Variants in TNRC6B observed in about 807,000 individuals in gnomAD.
TNRC6B encodes the protein trinucleotide repeat-containing gene 6B protein.
Under a neutral mutation model 203.6 loss-of-function variants are expected in TNRC6B, and 52 were observed. That is an observed-to-expected ratio of 0.26 (90% CI 0.20 to 0.32). TNRC6B has a LOEUF of 0.32. Ranked by LOEUF, TNRC6B falls within the 10% of genes least tolerant of loss-of-function variation. TNRC6B has a pLI of 1.00. For synonymous variants in TNRC6B, 838 were observed against 845.7 expected, an observed-to-expected ratio of 0.99 and a Z score of 0.16; for missense variants, 1,923 against 2,286.2, an observed-to-expected ratio of 0.84 and a Z score of 3.24.
rs2044005231 is a variant in TNRC6B at position 40,333,676 on chromosome 22, G to A, written c.*10435G>A. 1.3e-5 allele frequency: 2 copies of A among 152,618 alleles called. No homozygotes were observed. The highest frequency in any genetic ancestry group is 2.9e-5 in the Non-Finnish European group (2 of 68,046). The allele number at this position is 152,618 out of a possible 1,614,324, so 9.5% of individuals were successfully genotyped here. On this transcript the variant is annotated 3_prime_UTR_variant, in exon 23 of 23. Transcript: ENST00000454349. ...AATGTACTGATTTCTTACTTGGGAGGAAACTTGTGTAAGGAGATGTGCAAA... is the reference window on the plus strand; with the variant it reads ...AATGTACTGATTTCTTACTTGGGAGAAAACTTGTGTAAGGAGATGTGCAAA...
intron 3 of TNRC6B, among the ~76,000 whole-genome samples, chr22:40,128,201 C>T (rs2068510631): frequency 6.6e-6 from 1 of 152,058 alleles, no homozygotes; most frequent in East Asian, 1.9e-4. Flanking sequence ...TATGTTTTTC[C>T]TCCTGATGTT....
At chr22:40,084,158 A>G (rs552007951) in intron 1 of TNRC6B, among the ~76,000 whole-genome samples, 6 of 152,192 alleles carry the variant, frequency 3.9e-5, no homozygotes, top group Non-Finnish European at 8.8e-5. Flanking sequence ...AAGTGATTAT[A>G]ATGATTAACT....
chr22:40,159,101 T>C (rs892985678), intron 4 of TNRC6B, among the ~76,000 whole-genome samples: 2 of 151,476 alleles, frequency 1.3e-5, no homozygotes, highest in African/African-American at 4.8e-5. Flanking sequence ...TAGCTGGGAC[T>C]ACAGGCGCCC....
intron 3 of TNRC6B, among the ~76,000 whole-genome samples, chr22:40,149,973 T>A (rs563505540): frequency 1.5e-4 from 18 of 120,448 alleles, no homozygotes; most frequent in African/African-American, 6.6e-4. Flanking sequence ...ATAAAATAAT[T>A]TTTTTTAAAA....
At chr22:40,208,125 A>AC (rs1461852677) in intron 1 of TNRC6B, among the ~76,000 whole-genome samples, 11 of 149,932 alleles carry the variant, frequency 7.3e-5, no homozygotes, top group East Asian at 3.9e-4. Flanking sequence ...AAAAAAAAAA[A>AC]AAAAAAACAA....
At chr22:40,093,214 A>G (rs2068162771) in intron 1 of TNRC6B, among the ~76,000 whole-genome samples, 1 of 152,252 alleles carries the variant, frequency 6.6e-6, no homozygotes, top group Non-Finnish European at 1.5e-5. Flanking sequence ...AAAGCAAATT[A>G]GACACAAGTG....
chr22:40,321,027 C>G (rs567251898), intron 21 of TNRC6B, 63 bp from the exon 22 acceptor site: 5 of 1,593,510 alleles, frequency 3.1e-6, no homozygotes, highest in African/African-American at 2.7e-5. Context: ...CTTTGAATAT[C>G]TTAAAATGTA....
intron 1 of TNRC6B, among the ~76,000 whole-genome samples, chr22:40,076,872 A>G (rs1039598763): frequency 6.6e-6 from 1 of 152,084 alleles, no homozygotes; most frequent in Non-Finnish European, 1.5e-5. Flanking sequence ...TGACCCAGCA[A>G]TTCTTAGCTG....
intron 1 of TNRC6B, among the ~76,000 whole-genome samples, chr22:40,066,319 G>A (rs1276470210): frequency 6.6e-6 from 1 of 152,148 alleles, no homozygotes; most frequent in Non-Finnish European, 1.5e-5. Flanking sequence ...CAGGTATGAG[G>A]ATAAATATTG....
At chr22:40,136,371 T>TTTG (rs150445100) in intron 3 of TNRC6B, among the ~76,000 whole-genome samples, 3 of 141,118 alleles carry the variant, frequency 2.1e-5, no homozygotes, top group African/African-American at 8.0e-5. Flanking sequence ...TATGTTTATC[T>TTTG]TGTGTGTGTG....
rs565383057 is a variant in TNRC6B, at chr22:40,254,035, A to G, written c.115+2835A>G. Among the ~76,000 whole-genome samples the G allele has an allele frequency of 9.2e-5, 14 of 152,240 alleles. No homozygotes were observed. In the South Asian group the frequency reaches 2.9e-3, roughly 32 times the overall value. ...TGTATTTCAGAGTAGTAGTGTATTC[A>G]TTATATATTCTTCCTGTATTCTCCA... On this transcript the variant is annotated intron_variant, in intron 3 of 22. Transcript: ENST00000454349.
chr22:40,111,007 C>A (rs1374758747), intron 1 of TNRC6B, among the ~76,000 whole-genome samples: 1 of 152,178 alleles, frequency 6.6e-6, no homozygotes, highest in East Asian at 1.9e-4. Context: ...CTTACCACCT[C>A]CTAGTGTACA....
intron 1 of TNRC6B, among the ~76,000 whole-genome samples, chr22:40,236,003 A>G (rs976832374): frequency 1.3e-5 from 2 of 152,246 alleles, no homozygotes; most frequent in African/African-American, 2.4e-5. Context: ...GTAGGTTCAC[A>G]TGCCAGAAGC....
intron 1 of TNRC6B, among the ~76,000 whole-genome samples, chr22:40,077,180 C>G (rs970381973): frequency 6.6e-6 from 1 of 151,998 alleles, no homozygotes; most frequent in African/African-American, 2.4e-5. Context: ...TTCCTCAACC[C>G]CTACAAACCC....
At chr22:40,134,956 A>G (rs1284662932) in intron 3 of TNRC6B, among the ~76,000 whole-genome samples, 1 of 152,256 alleles carries the variant, frequency 6.6e-6, no homozygotes, top group East Asian at 1.9e-4. Context: ...CTTCTCTTCC[A>G]AAGTGGTATT....
At chr22:40,145,543 A>G (rs2068686720) in intron 3 of TNRC6B, among the ~76,000 whole-genome samples, 1 of 152,108 alleles carries the variant, frequency 6.6e-6, no homozygotes. Flanking sequence ...GATGTTGAGG[A>G]AAGAGAAAAC....
chr22:40,132,615 A>G (rs996890513), intron 3 of TNRC6B, among the ~76,000 whole-genome samples: 2 of 143,318 alleles, frequency 1.4e-5, no homozygotes, highest in African/African-American at 5.4e-5. Flanking sequence ...CCTGTACTCC[A>G]GCCTGGGCAA....
At chr22:40,074,334 G>A (rs998775831) in intron 1 of TNRC6B, among the ~76,000 whole-genome samples, 3 of 151,940 alleles carry the variant, frequency 2.0e-5, no homozygotes, top group Admixed American at 6.6e-5. Flanking sequence ...TCTTTAGAGT[G>A]TATGAAATTA....
At chr22:40,089,615 C>A (rs1183797674) in intron 1 of TNRC6B, among the ~76,000 whole-genome samples, 1 of 152,114 alleles carries the variant, frequency 6.6e-6, no homozygotes, top group Non-Finnish European at 1.5e-5. Context: ...TTTGCCTGTT[C>A]TGTGTCCCTG....
Sources: gnomAD v4.1 joint callset for allele counts (sites outside exome capture counted in the v4.1 genomes callset) on GRCh38, gnomAD v4.1.1 for gene constraint, MANE v1.5 for transcripts, NCBI Gene and HGNC (gene_info 2026-07-23, HGNC 2026-07-21) for gene names.